The following UST variants were observed in gnomAD, a reference collection of about 807,000 sequenced individuals.
UST encodes the protein uronyl 2-sulfotransferase, also known as chondroitin sulfate 2-O-sulfotransferase.
A neutral mutation model predicts 45.6 loss-of-function variants in UST; 21 were observed. That is an observed-to-expected ratio of 0.46 (90% confidence interval 0.33 to 0.66). UST has a LOEUF of 0.66. Ranked by LOEUF, UST falls within the 30% of genes least tolerant of loss-of-function variation. UST has a pLI of 0.02. For missense variants in UST, 463 were observed against 512.4 expected, an observed-to-expected ratio of 0.90 and a Z score of 0.93; for synonymous variants, 215 against 200.6, an observed-to-expected ratio of 1.07 and a Z score of -0.61.
intron 1 of UST, among the ~76,000 whole-genome samples, chr6:148,793,688 T>C (rs186527784): frequency 6.6e-6 from 1 of 152,316 alleles, no homozygotes. Flanking sequence ...ATTATCATCT[T>C]GTGGGCCCAT....
chr6:148,876,568 A>G (rs9373579), intron 1 of UST, among the ~76,000 whole-genome samples: 11,040 of 152,022 alleles, frequency 0.073, 722 homozygotes, highest in African/African-American at 0.18. Context: ...CCCCTGGGCC[A>G]TGTTCTTTGT....
chr6:148,903,888 A>T (rs1205826704), intron 2 of UST, among the ~76,000 whole-genome samples: 1 of 152,222 alleles, frequency 6.6e-6, no homozygotes, highest in African/African-American at 2.4e-5. Flanking sequence ...CACAGAATAT[A>T]ACAGTGTCTT....
chr6:148,844,432 G>T (rs927147903), intron 1 of UST, among the ~76,000 whole-genome samples: 1 of 152,142 alleles, frequency 6.6e-6, no homozygotes, highest in African/African-American at 2.4e-5. Context: ...AAAATTTGCA[G>T]TAATGTGCAC....
At chr6:148,835,296 C>T (rs1460674488) in intron 1 of UST, among the ~76,000 whole-genome samples, 2 of 152,012 alleles carry the variant, frequency 1.3e-5, no homozygotes, top group Non-Finnish European at 2.9e-5. Flanking sequence ...AAATACTATG[C>T]CATATAATAT....
At chr6:148,994,567 T>C (rs1325445950) in intron 5 of UST, among the ~76,000 whole-genome samples, 3 of 152,208 alleles carry the variant, frequency 2.0e-5, no homozygotes, top group African/African-American at 7.2e-5. Flanking sequence ...AGTTGGTCAC[T>C]TGAAACTATT....
intron 1 of UST, among the ~76,000 whole-genome samples, chr6:148,829,070 TAAG>T (rs1489557173): frequency 6.6e-6 from 1 of 152,116 alleles, no homozygotes; most frequent in Non-Finnish European, 1.5e-5. Context: ...AAAATTCATT[TAAG>T]AAGAGATGTG....
At chr6:149,062,959 T>G (rs1463286602) in intron 7 of UST, among the ~76,000 whole-genome samples, 1 of 152,228 alleles carries the variant, frequency 6.6e-6, no homozygotes, top group Non-Finnish European at 1.5e-5. Context: ...GGGCTACTAT[T>G]TGTAAAGTTT....
chr6:148,769,869 CA>C (rs1384236786), intron 1 of UST, among the ~76,000 whole-genome samples: 9 of 127,190 alleles, frequency 7.1e-5, no homozygotes, highest in South Asian at 2.5e-4. Flanking sequence ...CTCTTTCTGT[CA>C]CTTTTTTTTT....
At chr6:149,044,838 G>A (rs1042595628) in intron 7 of UST, among the ~76,000 whole-genome samples, 2 of 152,186 alleles carry the variant, frequency 1.3e-5, no homozygotes, top group Non-Finnish European at 2.9e-5. Flanking sequence ...CCAATAACAC[G>A]TGCTTTGGAT....
At chr6:148,863,230 G>C (rs889784072) in intron 1 of UST, among the ~76,000 whole-genome samples, 1 of 151,964 alleles carries the variant, frequency 6.6e-6, no homozygotes, top group Non-Finnish European at 1.5e-5. Context: ...TTCTCTTCTT[G>C]CTTCTTTTCA....
intron 1 of UST, among the ~76,000 whole-genome samples, chr6:148,837,637 A>T (rs1434462874): frequency 6.6e-6 from 1 of 152,160 alleles, no homozygotes; most frequent in Non-Finnish European, 1.5e-5. Flanking sequence ...AGTACAAAGC[A>T]CTTTTCTGGG....
chr6:149,048,580 G>A (rs1370289539), intron 7 of UST, among the ~76,000 whole-genome samples: 1 of 151,080 alleles, frequency 6.6e-6, no homozygotes, highest in Non-Finnish European at 1.5e-5. Context: ...GAATAAATAT[G>A]TTTAATTGAA....
At chr6:148,916,441 T>C (rs568336336) in intron 2 of UST, among the ~76,000 whole-genome samples, 2 of 152,280 alleles carry the variant, frequency 1.3e-5, no homozygotes, top group East Asian at 3.9e-4. Flanking sequence ...TGCTTCATTA[T>C]AGAGAGTGAA....
chr6:148,922,174 C>T (rs563989394), intron 2 of UST, among the ~76,000 whole-genome samples: 1 of 152,126 alleles, frequency 6.6e-6, no homozygotes, highest in Non-Finnish European at 1.5e-5. Context: ...ATTTTGCCAC[C>T]ATTACCACTG....
At chr6:148,893,179 T>C (rs1247395530) in intron 2 of UST, among the ~76,000 whole-genome samples, 3 of 152,256 alleles carry the variant, frequency 2.0e-5, no homozygotes, top group South Asian at 2.1e-4. Flanking sequence ...TAAAATATTA[T>C]GTTTGCATAT....
At chr6:149,067,976 T>A (rs1776766134) in intron 7 of UST, among the ~76,000 whole-genome samples, 1 of 152,192 alleles carries the variant, frequency 6.6e-6, no homozygotes, top group East Asian at 1.9e-4. Context: ...ATAGTGGTTG[T>A]TGGGGTGGTT....
chr6:148,966,524 C>CA (rs1426869168), intron 5 of UST, among the ~76,000 whole-genome samples: 1 of 152,120 alleles, frequency 6.6e-6, no homozygotes, highest in African/African-American at 2.4e-5. Flanking sequence ...AATACAGAAA[C>CA]ACGTCTTATG....
At chr6:148,764,761 C>CCT (rs1776288874) in intron 1 of UST, among the ~76,000 whole-genome samples, 5 of 152,216 alleles carry the variant, frequency 3.3e-5, no homozygotes, top group Admixed American at 1.3e-4. Context: ...AACAAAAGGT[C>CCT]ACAAGGCAGA....
At chr6:148,776,770 A>G (rs553712103) in intron 1 of UST, among the ~76,000 whole-genome samples, 6 of 152,208 alleles carry the variant, frequency 3.9e-5, no homozygotes, top group Non-Finnish European at 8.8e-5. Context: ...TGGAACTATT[A>G]GTCATCGTTT....
Sources: gnomAD v4.1 joint callset for allele counts (sites outside exome capture counted in the v4.1 genomes callset) on GRCh38, gnomAD v4.1.1 for gene constraint, MANE v1.5 for transcripts, NCBI Gene and HGNC (gene_info 2026-07-23, HGNC 2026-07-21) for gene names.